Variants in CDH17 observed in about 807,000 individuals in gnomAD.
CDH17 encodes the protein cadherin 17, also known as cadherin-17.
A neutral mutation model predicts 86.3 loss-of-function variants in CDH17; 67 were observed. The observed-to-expected ratio is 0.78, with a 90% confidence interval of 0.64 to 0.95. The LOEUF is 0.95. Ranked by LOEUF, CDH17 falls within the 40% of genes least tolerant of loss-of-function variation. CDH17 has a pLI of 0.00. For missense variants in CDH17, 993 were observed against 1,017.6 expected, an observed-to-expected ratio of 0.98 and a Z score of 0.33; for synonymous variants, 367 against 366.4, an observed-to-expected ratio of 1.00 and a Z score of -0.02.
At chr8:94,174,057 C>G in intron 6 of CDH17, 45 bp downstream of exon 6, 7 of 1,610,554 alleles carry the variant, frequency 4.3e-6, no homozygotes, top group Non-Finnish European at 5.9e-6. Flanking sequence ...ACCAAACTCC[C>G]TTTTTCTGAT....
At chr8:94,138,463 C>G (rs935260533) in intron 15 of CDH17, among the ~76,000 whole-genome samples, 1 of 152,172 alleles carries the variant, frequency 6.6e-6, no homozygotes, top group Admixed American at 6.5e-5. Flanking sequence ...GGAGCTCAGA[C>G]AGAGCCCAGT....
At chr8:94,216,081 G>T (rs529358724) in intron 1 of CDH17, among the ~76,000 whole-genome samples, 84 of 152,248 alleles carry the variant, frequency 5.5e-4, no homozygotes, top group African/African-American at 1.8e-3. Context: ...CTGCCTGCCT[G>T]AACGAAGACT....
At position 94,145,963 on chromosome 8, in the gene CDH17, C is replaced by A. The variant is rs200539966; in HGVS notation, c.2132G>T (p.Ser711Ile). 5.0e-6 allele frequency: 8 copies of A among 1,613,534 alleles called. No homozygotes were observed. In the East Asian group the frequency reaches 1.8e-4, roughly 36 times the overall value. Residue 711 changes from serine to isoleucine, a missense_variant, in exon 15 of 18, where the codon AGC becomes ATC. Coordinates refer to ENST00000027335, the MANE Select transcript of CDH17 (RefSeq NM_004063.4). ...PHFTFSLGSG[S>I]LQNDWEVSKI... ...GGAAACTTCCCAGTCGTTTTGTAAG[C>A]TTCCACTGCCGAGGGAAAATGTAAA...
At chr8:94,213,219 G>A (rs1814148796), upstream of CDH17, among the ~76,000 whole-genome samples, 1 of 152,180 alleles carries the variant, frequency 6.6e-6, no homozygotes, top group South Asian at 2.1e-4. Context: ...TGATTCTCCT[G>A]CCTCGGTCTC....
In CDH17 at chr8:94,177,738, A is replaced by G. The variant is rs771636231; in HGVS notation, c.151-17T>C. The G allele has an allele frequency of 1.2e-5, 19 of 1,612,348 alleles. No individual in the cohort carries two copies. In the African/African-American group the frequency reaches 2.5e-4, roughly 22 times the overall value. On this transcript the variant is annotated splice_polypyrimidine_tract_variant and intron_variant, in intron 3 of 17. Coordinates refer to ENST00000027335, the MANE Select transcript of CDH17 (RefSeq NM_004063.4). The stretch of plus-strand genomic sequence containing the variant: ...GGCCTTAAACTGGGGAAAAAGCAAA[A>G]AACAGATTAAGTTGTAAGGGAAAAA...
intron 9 of CDH17, among the ~76,000 whole-genome samples, chr8:94,166,742 A>C (rs1287506692): frequency 6.6e-6 from 1 of 152,190 alleles, no homozygotes; most frequent in Non-Finnish European, 1.5e-5. Flanking sequence ...TGCCCCTATA[A>C]GAAGGGAAAC....
chr8:94,199,779 G>A (rs1813869241), intron 1 of CDH17, among the ~76,000 whole-genome samples: 3 of 152,102 alleles, frequency 2.0e-5, no homozygotes, highest in African/African-American at 7.2e-5. Context: ...CATAGACCCA[G>A]GAGTTAGACT....
intron 1 of CDH17, among the ~76,000 whole-genome samples, chr8:94,195,539 C>G (rs529535314): frequency 6.6e-6 from 1 of 152,094 alleles, no homozygotes; most frequent in Non-Finnish European, 1.5e-5. Context: ...CAAAAGAGAT[C>G]AAACAAAAAT....
In CDH17 at chr8:94,134,613, G is replaced by A. The variant is rs555678347; in HGVS notation, c.2168-3621C>T. Among the ~76,000 whole-genome samples the A allele has an allele frequency of 2.6e-5, 4 of 151,632 alleles. No homozygotes were observed. The East Asian group carries it at 8.0e-4, about 30-fold the overall frequency. On this transcript the variant is annotated intron_variant, in intron 15 of 17. Transcript: ENST00000027335. ...TGATCTTTTCAAAAAACCAGCTCCT[G>A]GATTCATTGTTTTTTTGAGGGGTTT... is the stretch of plus-strand genomic sequence containing the variant.
intron 15 of CDH17, among the ~76,000 whole-genome samples, chr8:94,139,155 A>T (rs546451101): frequency 4.7e-4 from 71 of 152,236 alleles, no homozygotes; most frequent in African/African-American, 1.6e-3. Context: ...AGAACATTTT[A>T]AAAACCCAAG....
chr8:94,171,072 A>G, intron 7 of CDH17, 87 bp from the exon 8 acceptor site: 1 of 1,335,112 alleles, frequency 7.5e-7, no homozygotes. Flanking sequence ...CTCAATTTGA[A>G]ATCTCTGACA....
intron 12 of CDH17, among the ~76,000 whole-genome samples, chr8:94,155,483 G>C (rs147006338): frequency 9.7e-4 from 147 of 152,222 alleles, no homozygotes; most frequent in Admixed American, 1.3e-3. Flanking sequence ...CATATGCTCA[G>C]ACAGAGCACA....
chr8:94,194,802 A>G, intron 1 of CDH17, 97 bp from the exon 2 acceptor site: 1 of 679,014 alleles, frequency 1.5e-6, no homozygotes, highest in South Asian at 1.9e-5. Flanking sequence ...CCAGTTATAA[A>G]TCTAGTAAAA....
chr8:94,174,147 A>G lies in CDH17; in HGVS notation c.538T>C (p.Phe180Leu). 1 of 1,613,902 alleles carries G rather than the reference A, an allele frequency of 6.2e-7. No individual in the cohort carries two copies. The highest frequency in any genetic ancestry group is 8.5e-7 in the Non-Finnish European group (1 of 1,179,848). ...QLPMINNVMYFQINNKTGAIS... is the reference protein window; with the variant it reads ...QLPMINNVMYLQINNKTGAIS... ...GCTCCCGTTTTGTTGTTGATCTGAAAGTACATGACATTGTTGATCATGGGA... is the reference window on the plus strand; with the variant it reads ...GCTCCCGTTTTGTTGTTGATCTGAAGGTACATGACATTGTTGATCATGGGA... The change falls in exon 6 of 18, where the codon TTT (phenylalanine) becomes CTT (leucine). Residue 180 changes from phenylalanine (F) to leucine (L), a missense_variant. Phe to Leu is a conservative substitution (Grantham distance 22). Coordinates refer to ENST00000027335, the MANE Select transcript of CDH17 (RefSeq NM_004063.4).
At chr8:94,200,130 G>A (rs537758221) in intron 1 of CDH17, among the ~76,000 whole-genome samples, 3 of 152,262 alleles carry the variant, frequency 2.0e-5, no homozygotes, top group African/African-American at 7.2e-5. Flanking sequence ...CTACACTAGT[G>A]CTAGGATTAT....
intron 12 of CDH17, among the ~76,000 whole-genome samples, chr8:94,156,792 T>C (rs948413633): frequency 5.9e-5 from 9 of 152,240 alleles, no homozygotes; most frequent in African/African-American, 2.2e-4. Context: ...CGTGTTTAAG[T>C]CTGCAAGCTG....
intron 15 of CDH17, among the ~76,000 whole-genome samples, chr8:94,136,694 G>A (rs1262773788): frequency 6.6e-6 from 1 of 152,210 alleles, no homozygotes; most frequent in African/African-American, 2.4e-5. Context: ...CTGGCAAGGA[G>A]CTGCAATCCT....
chr8:94,204,133 TTTTC>T (rs1223728282), intron 1 of CDH17, among the ~76,000 whole-genome samples: 1 of 152,096 alleles, frequency 6.6e-6, no homozygotes, highest in Admixed American at 6.5e-5. Flanking sequence ...TTGTCTCACT[TTTTC>T]TTTTTTTAAA....
chr8:94,151,722 G>C, intron 13 of CDH17, 146 bp downstream of exon 13: 1 of 978,874 alleles, frequency 1.0e-6, no homozygotes, highest in Non-Finnish European at 1.5e-6. Context: ...CCAGGGTGTT[G>C]ACAGCTTCCT....
Sources: allele counts gnomAD v4.1 joint callset (sites outside exome capture counted in the v4.1 genomes callset), GRCh38; gene constraint gnomAD v4.1.1; transcripts MANE v1.5; gene names NCBI Gene and HGNC (gene_info 2026-07-23, HGNC 2026-07-21).